The following RB1CC1 variants were observed in gnomAD, a reference collection of about 807,000 sequenced individuals.
RB1CC1 encodes RB1 inducible coiled-coil 1.
RB1CC1 carries 46 observed loss-of-function variants against 177.5 expected under a neutral mutation model. The ratio of observed to expected loss-of-function variants is 0.26; its 90% CI spans 0.20 to 0.33. The LOEUF (loss-of-function observed/expected upper bound fraction) is 0.33. Among genes scored for constraint, RB1CC1 ranks in the 10% least tolerant of loss-of-function variants. The probability of loss-of-function intolerance (pLI) is 1.00; values close to 1 mark genes in which losing one functional copy is unlikely to be tolerated. For missense variants in RB1CC1, 1,703 were observed against 1,816.3 expected (o/e 0.94, Z 1.13); for synonymous variants, 666 against 613.6 (o/e 1.09, Z -1.26).
rs11994843 is a variant in RB1CC1 at position 52,682,651 on chromosome 8, A to G, written c.369+898T>C. 2.0e-3 allele frequency among the ~76,000 whole-genome samples: 309 copies of G among 152,202 alleles called. 1 individual carries two copies. The highest frequency in any genetic ancestry group is 7.1e-3 in the African/African-American group (293 of 41,526). Reference sequence around the variant, plus strand: ...CCTAGTTATCCTTTAACTTATTTTCATATTTAATACTTTCTCTATCAAAAT... The same window carrying G: ...CCTAGTTATCCTTTAACTTATTTTCGTATTTAATACTTTCTCTATCAAAAT... On this transcript the variant is annotated intron_variant, in intron 5 of 23. Coordinates refer to ENST00000025008, the MANE Select transcript of RB1CC1 (RefSeq NM_014781.5).
intron 1 of RB1CC1, among the ~76,000 whole-genome samples, chr8:52,693,883 C>T (rs958607484): frequency 3.3e-5 from 5 of 152,150 alleles, no homozygotes; most frequent in African/African-American, 1.2e-4. Context: ...CACCATGGCA[C>T]ATGTTTACCT....
intron 20 of RB1CC1, among the ~76,000 whole-genome samples, chr8:52,632,375 T>A (rs188584357): frequency 6.6e-6 from 1 of 152,316 alleles, no homozygotes; most frequent in Admixed American, 6.5e-5. Flanking sequence ...ATGCAGGGTT[T>A]TAAAAAGAGA....
chr8:52,689,344 C>T (rs186202513), intron 1 of RB1CC1, among the ~76,000 whole-genome samples: 61 of 152,242 alleles, frequency 4.0e-4, no homozygotes, highest in Non-Finnish European at 6.0e-4. Context: ...CTTAATGACA[C>T]GATATCCCTA....
chr8:52,692,951 CATAAATG>C, intron 1 of RB1CC1, among the ~76,000 whole-genome samples: 1 of 152,118 alleles, frequency 6.6e-6, no homozygotes, highest in Non-Finnish European at 1.5e-5. Context: ...TCCTTGTGTC[CATAAATG>C]AAAAGGTGAT....
At chr8:52,711,276 A>G (rs1341409550) in intron 1 of RB1CC1, among the ~76,000 whole-genome samples, 1 of 152,212 alleles carries the variant, frequency 6.6e-6, no homozygotes, top group Non-Finnish European at 1.5e-5. Context: ...AAAGGGATAG[A>G]AAGAAATGCC....
At position 52,645,796 on chromosome 8, in the gene RB1CC1, T is replaced by C. The variant is rs1455590114; in HGVS notation, c.3893A>G (p.Glu1298Gly). ...AAGTTGTTCTAGAAACTTAGCTTTT[T>C]CTTCCTGAAGCTTTTCTTGAAGTTC... ...VAELQEKLQE[E>G]KAKFLEQLEE... The change falls in exon 16 of 24, where the codon GAA becomes GGA. Residue 1298 changes from glutamate to glycine, a missense_variant. Physicochemically the swap from Glu to Gly is moderately conservative, Grantham distance 98. Around this residue, in one of 6 missense-constraint regions of RB1CC1, gnomAD observed 1,169 missense variants for 1,184.7 expected, o/e 0.99. Coordinates refer to ENST00000025008, the MANE Select transcript of RB1CC1 (RefSeq NM_014781.5). 1 of 1,611,294 alleles carries C rather than the reference T, an allele frequency of 6.2e-7. No homozygotes were observed. Among genetic ancestry groups the C allele is most frequent in the African/African-American group, 1.3e-5 (1 of 74,594 alleles).
At chr8:52,654,574 G>C (rs1242622253) in intron 15 of RB1CC1, among the ~76,000 whole-genome samples, 1 of 152,168 alleles carries the variant, frequency 6.6e-6, no homozygotes, top group Non-Finnish European at 1.5e-5. Flanking sequence ...GCTTTCATGG[G>C]TGCTTCAGCC....
chr8:52,713,492 G>A (rs1042442166), intron 1 of RB1CC1, among the ~76,000 whole-genome samples: 1 of 152,206 alleles, frequency 6.6e-6, no homozygotes, highest in Non-Finnish European at 1.5e-5. Context: ...GGCGCAGGCT[G>A]AGTCATTCCT....
At chr8:52,689,662 C>T (rs1008102363) in intron 1 of RB1CC1, among the ~76,000 whole-genome samples, 5 of 152,160 alleles carry the variant, frequency 3.3e-5, no homozygotes, top group African/African-American at 1.2e-4. Flanking sequence ...TCCTCTACCC[C>T]TCCCCCAACT....
intron 22 of RB1CC1, among the ~76,000 whole-genome samples, chr8:52,627,276 G>T (rs1209681458): frequency 6.6e-6 from 1 of 152,180 alleles, no homozygotes. Flanking sequence ...GAACCTGGGA[G>T]GCAGAGGTTG....
intron 12 of RB1CC1, among the ~76,000 whole-genome samples, chr8:52,659,587 A>T (rs1017359962): frequency 6.6e-6 from 1 of 152,214 alleles, no homozygotes. Context: ...GATGCTCTTC[A>T]TAAAAAAGAG....
chr8:52,650,643 G>C (rs982547314), intron 15 of RB1CC1, among the ~76,000 whole-genome samples: 2 of 150,908 alleles, frequency 1.3e-5, no homozygotes, highest in African/African-American at 4.9e-5. Context: ...AATGACTCTA[G>C]AGGAAAAAAA....
At chr8:52,682,254 T>C (rs1853822250) in intron 5 of RB1CC1, among the ~76,000 whole-genome samples, 1 of 152,192 alleles carries the variant, frequency 6.6e-6, no homozygotes, top group South Asian at 2.1e-4. Context: ...CGAACTTGCA[T>C]GGGACCTGTA....
At chr8:52,710,754 GA>G (rs933486707) in intron 1 of RB1CC1, among the ~76,000 whole-genome samples, 7 of 151,276 alleles carry the variant, frequency 4.6e-5, no homozygotes, top group African/African-American at 7.3e-5. Context: ...GGAAAATGGG[GA>G]AAAAAAAGAA....
intron 7 of RB1CC1, among the ~76,000 whole-genome samples, chr8:52,669,086 T>C (rs1852328057): frequency 6.6e-6 from 1 of 152,222 alleles, no homozygotes; most frequent in Admixed American, 6.5e-5. Context: ...TCTCACAGAT[T>C]CTCAAACTGT....
rs1247460995 is a variant in RB1CC1, at chr8:52,622,987, T to C, written c.*795A>G. Reference sequence around the variant, plus strand: ...CTCTAAATGGTTAATGTGCAATGAATATCTTTTGTTCTGAAACTCAACCAT... The same window carrying C: ...CTCTAAATGGTTAATGTGCAATGAACATCTTTTGTTCTGAAACTCAACCAT... On this transcript the variant is annotated 3_prime_UTR_variant, in exon 24 of 24. Transcript: ENST00000025008. 2.6e-5 allele frequency: 4 copies of C among 152,166 alleles called. No homozygotes were observed. Among genetic ancestry groups the C allele is most frequent in the African/African-American group, 9.7e-5 (4 of 41,416 alleles). The allele number at this position is 152,166 out of a possible 1,614,324, so 9.4% of individuals were successfully genotyped here.
intron 22 of RB1CC1, 21 bp from the exon 23 acceptor site, chr8:52,624,808 ATC>A: frequency 2.8e-6 from 4 of 1,448,970 alleles, no homozygotes; most frequent in Middle Eastern, 1.8e-4. Flanking sequence ...TAAATAGTTA[ATC>A]TCTTTTTGAA....
At chr8:52,652,870 C>A (rs1850737640) in intron 15 of RB1CC1, among the ~76,000 whole-genome samples, 1 of 151,362 alleles carries the variant, frequency 6.6e-6, no homozygotes, top group Non-Finnish European at 1.5e-5. Context: ...CCAGCCTGAC[C>A]AACATGGAGA....
At chr8:52,655,070 C>A (rs150680395) in intron 15 of RB1CC1, among the ~76,000 whole-genome samples, 1 of 152,280 alleles carries the variant, frequency 6.6e-6, no homozygotes, top group Non-Finnish European at 1.5e-5. Flanking sequence ...GGCAGTGACT[C>A]TGTTAACCTT....
Sources: allele counts gnomAD v4.1 joint callset (sites outside exome capture counted in the v4.1 genomes callset), GRCh38; gene constraint gnomAD v4.1.1; regional missense constraint gnomAD v4.1.1; transcripts MANE v1.5; gene names NCBI Gene and HGNC (gene_info 2026-07-23, HGNC 2026-07-21).